The following ZNF664 variants were observed in gnomAD, a reference collection of about 807,000 sequenced individuals.
ZNF664 encodes the protein zinc finger protein 664.
Under a neutral mutation model 18.2 loss-of-function variants are expected in ZNF664, and 10 were observed. That is an observed-to-expected ratio of 0.55 (90% confidence interval 0.34 to 0.93). The LOEUF is 0.93. Ranked by LOEUF, ZNF664 falls within the 40% of genes least tolerant of loss-of-function variation. The probability of loss-of-function intolerance (pLI) is 0.02; values close to 1 mark genes in which losing one functional copy is unlikely to be tolerated. For missense variants in ZNF664, 193 were observed against 319.0 expected (o/e 0.61, Z 3.01); for synonymous variants, 119 against 104.2 (o/e 1.14, Z -0.86).
chr12:123,988,150 C>T lies in ZNF664; in HGVS notation c.-661+12C>T. 1 of 1,231,384 alleles carries T rather than the reference C, an allele frequency of 8.1e-7. No individual in the cohort carries two copies. Among genetic ancestry groups the T allele is most frequent in the Non-Finnish European group, 1.0e-6 (1 of 987,784 alleles). 76.3% of individuals were successfully genotyped at this position (1,231,384 alleles called of 1,614,324 possible). A position where few individuals can be genotyped will look rare whatever the true frequency, so the allele number is the denominator to read the frequency against. ...ATCCTGTCACTGTGGTAAGTTTTCCCCTTGTTTCACCATTTGTCCTAGATG... is the reference window on the plus strand; with the variant it reads ...ATCCTGTCACTGTGGTAAGTTTTCCTCTTGTTTCACCATTTGTCCTAGATG... On this transcript the variant is annotated intron_variant, in intron 3 of 4. Transcript: ENST00000337815.
intron 3 of ZNF664, among the ~76,000 whole-genome samples, chr12:123,989,839 A>C (rs1234130095): frequency 1.3e-5 from 2 of 152,208 alleles, no homozygotes; most frequent in Non-Finnish European, 2.9e-5. Context: ...GCCCTCTCTG[A>C]GAGTATAGTG....
intron 2 of ZNF664, 60 bp downstream of exon 2, chr12:123,974,080 A>C: frequency 8.4e-7 from 1 of 1,193,196 alleles, no homozygotes; most frequent in Non-Finnish European, 1.0e-6. Flanking sequence ...AGGCGTTCTC[A>C]CCCCTTCCAG....
intron 2 of ZNF664, among the ~76,000 whole-genome samples, chr12:123,979,164 G>A (rs900636384): frequency 2.0e-5 from 3 of 152,158 alleles, no homozygotes; most frequent in African/African-American, 7.2e-5. Context: ...AATCACAGTT[G>A]ATAATTCTGT....
At chr12:123,982,399 C>T (rs991857069) in intron 2 of ZNF664, among the ~76,000 whole-genome samples, 3 of 152,056 alleles carry the variant, frequency 2.0e-5, no homozygotes, top group Non-Finnish European at 4.4e-5. Flanking sequence ...TCCCAGGCTT[C>T]TCCTGCTCAC....
At chr12:124,005,215 C>T (rs2138436431) in intron 3 of ZNF664, among the ~76,000 whole-genome samples, 1 of 152,306 alleles carries the variant, frequency 6.6e-6, no homozygotes, top group Non-Finnish European at 1.5e-5. Context: ...CCTGTCACCA[C>T]ACGAGTTGAA....
intron 2 of ZNF664, among the ~76,000 whole-genome samples, chr12:123,980,777 A>G (rs1294630075): frequency 1.3e-5 from 2 of 152,232 alleles, no homozygotes; most frequent in Admixed American, 1.3e-4. Context: ...TGGAAATCTT[A>G]AGAATTGTGG....
At chr12:124,011,298 G>GATA (rs1319088403) in intron 3 of ZNF664, 83 bp from the exon 4 acceptor site, 6 of 967,584 alleles carry the variant, frequency 6.2e-6, no homozygotes, top group Non-Finnish European at 7.3e-6. Flanking sequence ...ATGTTGCTCA[G>GATA]ATAATTACAA....
chr12:124,010,166 T>C (rs1015855333), intron 3 of ZNF664, among the ~76,000 whole-genome samples: 2 of 152,226 alleles, frequency 1.3e-5, no homozygotes, highest in African/African-American at 4.8e-5. Context: ...TTTGTAGATA[T>C]ATGACCATTT....
At chr12:123,999,616 AT>A (rs200311109) in intron 3 of ZNF664, among the ~76,000 whole-genome samples, 1,996 of 152,370 alleles carry the variant, frequency 0.013, 20 homozygotes, top group Middle Eastern at 0.027. Context: ...CGAATTTCAG[AT>A]AATGTATTCA....
chr12:123,980,804 G>A (rs1262834410), intron 2 of ZNF664, among the ~76,000 whole-genome samples: 1 of 152,076 alleles, frequency 6.6e-6, no homozygotes, highest in East Asian at 1.9e-4. Flanking sequence ...GTAGGATGTC[G>A]GGTGATTTAA....
In ZNF664 at chr12:124,012,117, CT is replaced by C. The variant is rs758572029; in HGVS notation, c.-26del. 3.9e-5 allele frequency: 62 copies of C among 1,576,548 alleles called. No homozygotes were observed. Among genetic ancestry groups the C allele is most frequent in the Non-Finnish European group, 4.9e-5 (57 of 1,167,714 alleles). On this transcript the variant is annotated 5_prime_UTR_variant, in exon 5 of 5. Coordinates refer to ENST00000337815, the MANE Select transcript of ZNF664 (RefSeq NM_152437.3). ...GTAGTAATCATAAGGAAATTTTCTC[CT>C]TGAAATCACGATACCAAATAGGAAA...
Position 124,014,184 on chromosome 12 carries a change from T to TG in ZNF664, c.*1259dup, listed in dbSNP as rs973541402. 14 of 32,396 alleles carry TG rather than the reference T, an allele frequency of 4.3e-4. No individual in the cohort carries two copies. Among genetic ancestry groups the TG allele is most frequent in the African/African-American group, 3.0e-3 (14 of 4,688 alleles). 2.0% of individuals were successfully genotyped at this position (32,396 alleles called of 1,614,324 possible). A position where few individuals can be genotyped will look rare whatever the true frequency, so the allele number is the denominator to read the frequency against. ...TGATGATTTTAGTGGTGGGGTGGGG[T>TG]GGGGGTGGGGTGACATTAGCTAGTG... is the stretch of plus-strand genomic sequence containing the variant. On this transcript the variant is annotated 3_prime_UTR_variant, in exon 5 of 5. Coordinates refer to ENST00000337815, the MANE Select transcript of ZNF664 (RefSeq NM_152437.3).
At chr12:123,974,063 C>G (rs1956645099) in intron 2 of ZNF664, 43 bp downstream of exon 2, 4 of 1,119,904 alleles carry the variant, frequency 3.6e-6, no homozygotes, top group Non-Finnish European at 4.5e-6. Flanking sequence ...CTGACTCCCG[C>G]CTCCGCAGGC....
chr12:123,986,015 G>A (rs1190461881), intron 2 of ZNF664, among the ~76,000 whole-genome samples: 1 of 151,740 alleles, frequency 6.6e-6, no homozygotes, highest in Non-Finnish European at 1.5e-5. Context: ...AGGTCTTCGA[G>A]ATGCTCATGA....
rs1030685818 is a variant in ZNF664, at chr12:123,982,635, C to T, written c.-756-5408C>T. Among the ~76,000 whole-genome samples the T allele has an allele frequency of 5.9e-5, 9 of 152,246 alleles. No homozygotes were observed. In the South Asian group the frequency reaches 1.9e-3, roughly 32 times the overall value. The stretch of plus-strand genomic sequence containing the variant: ...GGCTTAGCTTGGGTTCCACGCTCAC[C>T]GTATCGGTTTTACTGTTGCAGCGCT... On this transcript the variant is annotated intron_variant, in intron 2 of 4. Transcript: ENST00000337815.
intron 3 of ZNF664, among the ~76,000 whole-genome samples, chr12:124,007,836 T>G (rs1213823164): frequency 1.3e-5 from 2 of 152,182 alleles, no homozygotes; most frequent in Admixed American, 1.3e-4. Flanking sequence ...TTTTTTACTT[T>G]CCCTTTTTTT....
At chr12:123,997,266 A>G (rs1286250786) in intron 3 of ZNF664, among the ~76,000 whole-genome samples, 1 of 152,182 alleles carries the variant, frequency 6.6e-6, no homozygotes, top group Non-Finnish European at 1.5e-5. Flanking sequence ...GCCCAGATGG[A>G]GGTAAGGACT....
intron 1 of ZNF664, 28 bp downstream of exon 1, chr12:123,973,380 C>T: frequency 1.0e-6 from 1 of 953,998 alleles, no homozygotes; most frequent in Non-Finnish European, 1.2e-6. Flanking sequence ...GGGCTGCAGT[C>T]TTTCTTTCTT....
intron 3 of ZNF664, among the ~76,000 whole-genome samples, chr12:123,993,955 A>G (rs1289613129): frequency 6.6e-6 from 1 of 152,224 alleles, no homozygotes; most frequent in Non-Finnish European, 1.5e-5. Flanking sequence ...CATCACCCAG[A>G]AACTAAGGTC....
Sources: allele counts gnomAD v4.1 joint callset (sites outside exome capture counted in the v4.1 genomes callset), GRCh38; gene constraint gnomAD v4.1.1; transcripts MANE v1.5; gene names NCBI Gene and HGNC (gene_info 2026-07-23, HGNC 2026-07-21).